CAPZA2: variants seen among roughly 807,000 people sequenced by gnomAD.
The protein encoded by CAPZA2 is capping actin protein of muscle Z-line subunit alpha 2.
In CAPZA2, 13 loss-of-function variants were observed where a neutral mutation model predicts 44.0. The ratio of observed to expected loss-of-function variants is 0.30; its 90% CI spans 0.19 to 0.47. The LOEUF is 0.47. Among genes scored for constraint, CAPZA2 ranks in the 20% least tolerant of loss-of-function variants. The pLI is 1.00. For synonymous variants in CAPZA2, 94 were observed against 108.2 expected, an observed-to-expected ratio of 0.87 and a Z score of 0.81; for missense variants, 244 against 338.6, an observed-to-expected ratio of 0.72 and a Z score of 2.19.
chr7:116,909,326 A>G (rs989772834), intron 6 of CAPZA2, among the ~76,000 whole-genome samples: 8 of 152,184 alleles, frequency 5.3e-5, no homozygotes, highest in Non-Finnish European at 1.2e-4. Context: ...GAGAGCAAAC[A>G]GAGACAAAAA....
Position 116,904,240 on chromosome 7 carries a change from T to C in CAPZA2, c.283T>C (p.Cys95Arg). The C allele has an allele frequency of 2.5e-6, 4 of 1,613,996 alleles. No individual in the cohort carries two copies. The highest frequency in any genetic ancestry group is 2.5e-6 in the Non-Finnish European group (3 of 1,179,888). ...GKFLDPKNRI[C>R]FKFDHLRKEA... The stretch of plus-strand genomic sequence containing the variant: ...GTTTTTGGATCCAAAGAACAGAATC[T>C]GTTTTAAATTTGATCACTTAAGGAA... Residue 95 changes from cysteine to arginine, a missense_variant, in exon 5 of 10, where the codon TGT (cysteine) becomes CGT (arginine). Cys to Arg is a radical substitution (Grantham distance 180). Transcript: ENST00000361183.
At chr7:116,889,682 A>G (rs188617805) in intron 2 of CAPZA2, among the ~76,000 whole-genome samples, 1 of 152,226 alleles carries the variant, frequency 6.6e-6, no homozygotes. Flanking sequence ...CCCTGAGGTC[A>G]TCCACAAACT....
intron 4 of CAPZA2, among the ~76,000 whole-genome samples, chr7:116,902,954 C>G (rs754171482): frequency 9.2e-5 from 14 of 152,096 alleles, no homozygotes; most frequent in Non-Finnish European, 1.6e-4. Flanking sequence ...CTGAAGCTAT[C>G]CTGCCCCCTT....
At chr7:116,871,911 C>T (rs1796558050) in intron 1 of CAPZA2, among the ~76,000 whole-genome samples, 1 of 152,182 alleles carries the variant, frequency 6.6e-6, no homozygotes, top group Non-Finnish European at 1.5e-5. Flanking sequence ...ACATTAGAAT[C>T]AACTGGAGAG....
chr7:116,904,154 C>T (rs1376840837), intron 4 of CAPZA2, 23 bp from the exon 5 acceptor site: 57 of 1,453,792 alleles, frequency 3.9e-5, no homozygotes, highest in African/African-American at 1.7e-4. Flanking sequence ...TATTTTTTTT[C>T]TAAATTCATT....
At chr7:116,865,844 G>C (rs1022947443) in intron 1 of CAPZA2, among the ~76,000 whole-genome samples, 7 of 152,194 alleles carry the variant, frequency 4.6e-5, no homozygotes, top group African/African-American at 1.4e-4. Flanking sequence ...GCATCCTAAA[G>C]TGCTGGGATT....
chr7:116,903,233 A>AGTGT (rs71148342), intron 4 of CAPZA2, among the ~76,000 whole-genome samples: 30,697 of 146,060 alleles, frequency 0.21, 4,027 homozygotes, highest in Non-Finnish European at 0.3. Context: ...TGCAGAGAAG[A>AGTGT]GTGTGTGTGT....
intron 2 of CAPZA2, among the ~76,000 whole-genome samples, chr7:116,889,465 T>C (rs1796803299): frequency 6.6e-6 from 1 of 151,832 alleles, no homozygotes; most frequent in African/African-American, 2.4e-5. Context: ...CTCACTCCTG[T>C]AATCCCAACA....
At chr7:116,914,623 A>C (rs1562964464) in intron 8 of CAPZA2, among the ~76,000 whole-genome samples, 1 of 151,982 alleles carries the variant, frequency 6.6e-6, no homozygotes, top group Non-Finnish European at 1.5e-5. Flanking sequence ...CACCATGCCC[A>C]GCTAATTTAT....
intron 2 of CAPZA2, 53 bp downstream of exon 2, chr7:116,888,243 A>G (rs1265845343): frequency 8.0e-7 from 1 of 1,246,706 alleles, no homozygotes; most frequent in South Asian, 1.3e-5. Flanking sequence ...CTCTTTTTAA[A>G]AGAAAACCAA....
At chr7:116,917,138 A>T (rs938950866) in intron 9 of CAPZA2, among the ~76,000 whole-genome samples, 1 of 152,232 alleles carries the variant, frequency 6.6e-6, no homozygotes, top group Non-Finnish European at 1.5e-5. Context: ...TTGTTCTGAC[A>T]TACTAAAATA....
chr7:116,917,838 A>G lies in CAPZA2; in HGVS notation c.832A>G (p.Lys278Glu). The G allele has an allele frequency of 6.2e-7, 1 of 1,613,276 alleles. No individual in the cohort carries two copies. Reference protein sequence around the residue: ...KIDWNKILSYKIGKEMQNA With the variant: ...KIDWNKILSYEIGKEMQNA ...TGATTGGAACAAGATCCTTAGCTAC[A>G]AGATTGGCAAAGAGATGCAGAATGC... Residue 278 changes from lysine (K) to glutamate (E), a missense_variant, in exon 10 of 10, where the codon AAG (lysine) becomes GAG (glutamate). Lys to Glu is a moderately conservative substitution (Grantham distance 56). Coordinates refer to ENST00000361183, the MANE Select transcript of CAPZA2 (RefSeq NM_006136.3).
chr7:116,889,259 A>G (rs1364598801), intron 2 of CAPZA2, among the ~76,000 whole-genome samples: 2 of 152,208 alleles, frequency 1.3e-5, no homozygotes, highest in Admixed American at 6.5e-5. Context: ...ATTACTTTCA[A>G]GTACTATCTA....
At chr7:116,865,088 A>G (rs1247313810) in intron 1 of CAPZA2, among the ~76,000 whole-genome samples, 2 of 150,896 alleles carry the variant, frequency 1.3e-5, no homozygotes, top group Non-Finnish European at 2.9e-5. Flanking sequence ...AGCTTTAAGT[A>G]GTTCACCCAA....
In CAPZA2 at chr7:116,921,489, T is replaced by A. The variant is rs1791769949; in HGVS notation, c.*3622T>A. ...TTTAAGGTCAGGAGTTCAAGACCAGTCTGGCTAATATGATGAAACCCCTTC... is the reference window on the plus strand; with the variant it reads ...TTTAAGGTCAGGAGTTCAAGACCAGACTGGCTAATATGATGAAACCCCTTC... On this transcript the variant is annotated 3_prime_UTR_variant, in exon 10 of 10. Transcript: ENST00000361183. 6.6e-6 allele frequency: 1 copy of A among 151,578 alleles called. No homozygotes were observed. Among genetic ancestry groups the A allele is most frequent in the African/African-American group, 2.4e-5 (1 of 41,186 alleles). 9.4% of individuals were successfully genotyped at this position (151,578 alleles called of 1,614,324 possible).
intron 8 of CAPZA2, among the ~76,000 whole-genome samples, chr7:116,913,423 C>T (rs931766620): frequency 6.6e-6 from 1 of 152,074 alleles, no homozygotes; most frequent in Admixed American, 6.6e-5. Context: ...GATCTTCTAC[C>T]TAACTTTTAA....
chr7:116,909,581 TAA>T (rs1239125428), intron 6 of CAPZA2, among the ~76,000 whole-genome samples: 1 of 141,992 alleles, frequency 7.0e-6, no homozygotes. Context: ...ATTGGAAAAC[TAA>T]AAAAAAAAAA....
chr7:116,871,539 T>G (rs1267559961), intron 1 of CAPZA2, among the ~76,000 whole-genome samples: 1 of 152,192 alleles, frequency 6.6e-6, no homozygotes, highest in East Asian at 1.9e-4. Flanking sequence ...GAGAATAATT[T>G]TACTAGTGTT....
intron 6 of CAPZA2, 96 bp downstream of exon 6, chr7:116,906,438 G>C: frequency 6.7e-7 from 1 of 1,492,846 alleles, no homozygotes; most frequent in South Asian, 1.4e-5. Context: ...GTTTGTTTAT[G>C]ATTAAGAACA....
Sources: allele counts gnomAD v4.1 joint callset (sites outside exome capture counted in the v4.1 genomes callset), GRCh38; gene constraint gnomAD v4.1.1; transcripts MANE v1.5; gene names NCBI Gene and HGNC (gene_info 2026-07-23, HGNC 2026-07-21).